FAM171A1: variants seen among roughly 807,000 people sequenced by gnomAD.
FAM171A1 encodes protein FAM171A1.
In FAM171A1, 23 loss-of-function variants were observed where a neutral mutation model predicts 74.9. The observed-to-expected ratio is 0.31, with a 90% CI of 0.22 to 0.44. FAM171A1 has a LOEUF of 0.44. Ranked by LOEUF, FAM171A1 falls within the 20% of genes least tolerant of loss-of-function variation. The pLI is 1.00. For synonymous variants in FAM171A1, 527 were observed against 505.7 expected (o/e 1.04, Z -0.57); for missense variants, 1,162 against 1,159.2 (o/e 1.00, Z -0.03).
chr10:15,363,072 C>T (rs969237412), intron 1 of FAM171A1, among the ~76,000 whole-genome samples: 8 of 152,098 alleles, frequency 5.3e-5, no homozygotes, highest in African/African-American at 1.7e-4. Context: ...AACAGGTCAG[C>T]TACAGATGAA....
chr10:15,214,377 G>T lies in FAM171A1; in HGVS notation c.1211C>A (p.Pro404Gln). 6.2e-7 allele frequency: 1 copy of T among 1,613,318 alleles called. No individual in the cohort carries two copies. Residue 404 changes from proline to glutamine, a missense_variant, in exon 8 of 8, where the codon CCG (proline) becomes CAG (glutamine). Coordinates refer to ENST00000378116, the MANE Select transcript of FAM171A1 (RefSeq NM_001010924.2). The part of the protein sequence containing the change: ...MSGVHLEMMS[P>Q]GGEGDLHTPM... ...GGTGTGCAGGTCCCCTTCGCCGCCC[G>T]GAGACATCATTTCCAAATGGACTCC...
intron 1 of FAM171A1, among the ~76,000 whole-genome samples, chr10:15,305,561 G>A (rs919708046): frequency 6.6e-6 from 1 of 150,972 alleles, no homozygotes; most frequent in Non-Finnish European, 1.5e-5. Context: ...CAGTTACTCA[G>A]GGGGCTTAGG....
chr10:15,342,437 G>T (rs1835775158), intron 1 of FAM171A1, among the ~76,000 whole-genome samples: 1 of 152,148 alleles, frequency 6.6e-6, no homozygotes, highest in African/African-American at 2.4e-5. Flanking sequence ...GGGTGTGGTA[G>T]CGCTCCTGTA....
intron 1 of FAM171A1, among the ~76,000 whole-genome samples, chr10:15,296,621 A>G (rs1835164288): frequency 6.6e-6 from 1 of 152,180 alleles, no homozygotes; most frequent in African/African-American, 2.4e-5. Context: ...AACCCCCCCT[A>G]GCTTCCTGGG....
Position 15,371,268 on chromosome 10 carries a change from G to A in FAM171A1, c.-216C>T, listed in dbSNP as rs866032878. ...CGCGGCGGCGGCGGCGGCGGCGGCT[G>A]CTGCTGCTCCGCCAGCTCCTTAACC... On this transcript the variant is annotated 5_prime_UTR_variant, in exon 1 of 8. Transcript: ENST00000378116. Among the ~76,000 whole-genome samples the A allele has an allele frequency of 6.2e-3, 895 of 144,798 alleles. 6 individuals are homozygous for A. The highest frequency in any genetic ancestry group is 0.021 in the African/African-American group (837 of 40,446). The allele number at this position is 144,798 out of a possible 152,430, so 95.0% of individuals were successfully genotyped here. A position where few individuals can be genotyped will look rare whatever the true frequency, so the allele number is the denominator to read the frequency against.
Position 15,331,898 on chromosome 10 carries a change from A to G in FAM171A1, c.97+39058T>C, listed in dbSNP as rs191655992. Among the ~76,000 whole-genome samples the G allele has an allele frequency of 9.6e-5, 6 of 62,762 alleles. No individual in the cohort carries two copies. In the South Asian group the frequency reaches 1.3e-3, roughly 13 times the overall value. The allele number at this position is 62,762 out of a possible 152,430, so 41.2% of individuals were successfully genotyped here. ...GTGTATACATATATATATATATATG[A>G]AACAATTAAGATTCAAGACCTGAGG... On this transcript the variant is annotated intron_variant, in intron 1 of 7. Coordinates refer to ENST00000378116, the MANE Select transcript of FAM171A1 (RefSeq NM_001010924.2).
intron 5 of FAM171A1, among the ~76,000 whole-genome samples, chr10:15,243,291 T>C (rs559654356): frequency 1.3e-5 from 2 of 152,302 alleles, no homozygotes; most frequent in South Asian, 4.1e-4. Flanking sequence ...GCCCTTGTGA[T>C]GGCCGTGGGC....
intron 2 of FAM171A1, among the ~76,000 whole-genome samples, chr10:15,280,192 C>T (rs1425337601): frequency 1.3e-5 from 2 of 152,114 alleles, no homozygotes; most frequent in Admixed American, 6.5e-5. Flanking sequence ...TTGCCCAGGG[C>T]GGCCGACCAT....
chr10:15,255,144 G>A (rs1003757347), intron 3 of FAM171A1, among the ~76,000 whole-genome samples: 1 of 152,180 alleles, frequency 6.6e-6, no homozygotes, highest in Admixed American at 6.5e-5. Flanking sequence ...CAAGTTCCAT[G>A]TGCAAGCAGT....
intron 1 of FAM171A1, among the ~76,000 whole-genome samples, chr10:15,350,174 TA>T (rs893311010): frequency 3.6e-4 from 54 of 151,374 alleles, no homozygotes; most frequent in Non-Finnish European, 1.5e-4. Flanking sequence ...AACAAACAAA[TA>T]AAAAAAGAGG....
chr10:15,286,803 T>C (rs187050003), intron 1 of FAM171A1, among the ~76,000 whole-genome samples: 1 of 152,158 alleles, frequency 6.6e-6, no homozygotes, highest in Non-Finnish European at 1.5e-5. Flanking sequence ...TAGATAACCA[T>C]AGACAAGAGC....
chr10:15,247,894 G>A (rs1322343721), intron 5 of FAM171A1, among the ~76,000 whole-genome samples: 2 of 152,194 alleles, frequency 1.3e-5, no homozygotes, highest in Non-Finnish European at 2.9e-5. Context: ...TCAACAGCCG[G>A]CAAGGAAGTG....
At chr10:15,263,320 A>G (rs537885992) in intron 3 of FAM171A1, among the ~76,000 whole-genome samples, 22 of 152,198 alleles carry the variant, frequency 1.4e-4, no homozygotes, top group African/African-American at 5.1e-4. Context: ...TTCATCCCTT[A>G]CCAGAAATAA....
intron 1 of FAM171A1, among the ~76,000 whole-genome samples, chr10:15,299,422 C>T (rs988068623): frequency 9.8e-5 from 15 of 152,312 alleles, no homozygotes; most frequent in Admixed American, 5.2e-4. Context: ...GGGAAAGATT[C>T]TGTGTGTCTT....
At chr10:15,324,078 C>T (rs767313852) in intron 1 of FAM171A1, among the ~76,000 whole-genome samples, 8 of 152,158 alleles carry the variant, frequency 5.3e-5, no homozygotes, top group Non-Finnish European at 1.2e-4. Flanking sequence ...AAATAGTTGG[C>T]AAGCAAAGTG....
At chr10:15,328,302 GC>G (rs1489720141) in intron 1 of FAM171A1, among the ~76,000 whole-genome samples, 1 of 152,002 alleles carries the variant, frequency 6.6e-6, no homozygotes, top group Non-Finnish European at 1.5e-5. Context: ...CCACCACCAA[GC>G]CCAGCTAATT....
intron 1 of FAM171A1, among the ~76,000 whole-genome samples, chr10:15,305,122 A>T (rs1395116324): frequency 6.6e-6 from 1 of 152,216 alleles, no homozygotes; most frequent in Non-Finnish European, 1.5e-5. Context: ...TTATAATTTA[A>T]AATAGTAGAT....
chr10:15,218,228 TG>T (rs1833992105), intron 6 of FAM171A1, among the ~76,000 whole-genome samples: 2 of 152,130 alleles, frequency 1.3e-5, no homozygotes, highest in Admixed American at 1.3e-4. Flanking sequence ...TACAGGTGTG[TG>T]CTACTGTGCC....
chr10:15,301,309 A>C (rs1321590086), intron 1 of FAM171A1, among the ~76,000 whole-genome samples: 1 of 151,400 alleles, frequency 6.6e-6, no homozygotes, highest in Non-Finnish European at 1.5e-5. Flanking sequence ...AGTAGCTGGG[A>C]TTACAGGCAC....
Sources: gnomAD v4.1 joint callset for allele counts (sites outside exome capture counted in the v4.1 genomes callset) on GRCh38, gnomAD v4.1.1 for gene constraint, MANE v1.5 for transcripts, NCBI Gene and HGNC (gene_info 2026-07-23, HGNC 2026-07-21) for gene names.